Variants in TASP1 observed in about 807,000 individuals in gnomAD.
TASP1 encodes threonine aspartase 1.
In TASP1, 16 loss-of-function variants were observed where a neutral mutation model predicts 56.6. The ratio of observed to expected loss-of-function variants is 0.28; its 90% CI spans 0.19 to 0.43. The LOEUF is 0.43. TASP1 is among the 20% of genes least tolerant of loss of function. The probability of loss-of-function intolerance (pLI) is 1.00; values close to 1 mark genes in which losing one functional copy is unlikely to be tolerated. For synonymous variants in TASP1, 179 were observed against 184.2 expected (o/e 0.97, Z 0.23); for missense variants, 393 against 511.6 (o/e 0.77, Z 2.24).
chr20:13,531,347 AT>A (rs2045209693), intron 9 of TASP1, among the ~76,000 whole-genome samples: 1 of 152,094 alleles, frequency 6.6e-6, no homozygotes, highest in South Asian at 2.1e-4. Context: ...TCAACCGCCT[AT>A]TTGTGTGGGG....
intron 8 of TASP1, among the ~76,000 whole-genome samples, chr20:13,549,257 C>T (rs1000718935): frequency 3.3e-5 from 5 of 152,092 alleles, no homozygotes; most frequent in African/African-American, 1.2e-4. Context: ...TCTTGAATTT[C>T]AAATAGTTCC....
chr20:13,155,461 A>T, the TASP1 span, among the ~76,000 whole-genome samples: 1 of 152,180 alleles, frequency 6.6e-6, no homozygotes, highest in African/African-American at 2.4e-5. Context: ...CTGAGTTATA[A>T]GTTCCTAAAA....
the TASP1 span, among the ~76,000 whole-genome samples, chr20:13,349,583 C>T: frequency 6.6e-6 from 1 of 152,144 alleles, no homozygotes; most frequent in Non-Finnish European, 1.5e-5. Flanking sequence ...AGAGGACCAG[C>T]ATATCCAGTT....
the TASP1 span, among the ~76,000 whole-genome samples, chr20:13,150,036 C>A: frequency 1.3e-5 from 2 of 152,182 alleles, no homozygotes; most frequent in Non-Finnish European, 2.9e-5. Context: ...GTGCTGAATG[C>A]ACACGGGGAC....
the TASP1 span, among the ~76,000 whole-genome samples, chr20:13,224,147 T>C: frequency 1.3e-5 from 2 of 152,160 alleles, no homozygotes; most frequent in African/African-American, 2.4e-5. Context: ...CTTCAGCTTA[T>C]CTTGTAATAG....
intron 12 of TASP1, among the ~76,000 whole-genome samples, chr20:13,431,390 G>A (rs2042800346): frequency 6.6e-6 from 1 of 152,112 alleles, no homozygotes; most frequent in African/African-American, 2.4e-5. Flanking sequence ...TACAGGCAGA[G>A]GTTTATGACA....
intron 10 of TASP1, among the ~76,000 whole-genome samples, chr20:13,513,143 T>C (rs145933825): frequency 1.8e-4 from 28 of 152,314 alleles, no homozygotes; most frequent in Admixed American, 8.5e-4. Flanking sequence ...AGTTCCAGTT[T>C]ACCAATGAGG....
the TASP1 span, among the ~76,000 whole-genome samples, chr20:13,323,800 T>C: frequency 2.5e-3 from 385 of 152,332 alleles, 5 homozygotes; most frequent in Non-Finnish European, 1.0e-3. Flanking sequence ...AAATGAAGGC[T>C]TCTTTATGGA....
chr20:13,305,216 AAAAC>A, the TASP1 span, among the ~76,000 whole-genome samples: 1 of 146,246 alleles, frequency 6.8e-6, no homozygotes, highest in Non-Finnish European at 1.5e-5. Context: ...AAAAAAAAAA[AAAAC>A]CCTTAATTTT....
At chr20:13,334,484 AT>A in the TASP1 span, among the ~76,000 whole-genome samples, 1 of 152,242 alleles carries the variant, frequency 6.6e-6, no homozygotes, top group African/African-American at 2.4e-5. Context: ...TCTTAACGCT[AT>A]CAAGGTATAT....
intron 4 of TASP1, among the ~76,000 whole-genome samples, chr20:13,606,290 C>T (rs138294105): frequency 1.7e-4 from 26 of 152,276 alleles, no homozygotes; most frequent in Non-Finnish European, 2.9e-4. Context: ...AACATCTTCA[C>T]ATGGCTTTCT....
the TASP1 span, among the ~76,000 whole-genome samples, chr20:13,247,095 G>GT: frequency 2.6e-5 from 4 of 152,054 alleles, no homozygotes; most frequent in African/African-American, 9.7e-5. Flanking sequence ...GCCAGGTGTG[G>GT]TGGCACATGC....
At chr20:13,299,322 G>T in the TASP1 span, 2 of 1,613,784 alleles carry the variant, frequency 1.2e-6, no homozygotes, top group Non-Finnish European at 1.7e-6. This position sits in a 1 kb window ranked among gnomAD's most constrained non-coding sequence, Gnocchi z 5.8. Flanking sequence ...CAAGGTGGAC[G>T]TCCTGCCCTG....
chr20:13,604,564 T>C (rs1479986126), intron 4 of TASP1, among the ~76,000 whole-genome samples: 1 of 152,224 alleles, frequency 6.6e-6, no homozygotes, highest in East Asian at 1.9e-4. Context: ...CAGGTATTCC[T>C]TTATAGCAAT....
chr20:13,269,504 C>T, the TASP1 span, among the ~76,000 whole-genome samples: 271 of 152,252 alleles, frequency 1.8e-3, no homozygotes, highest in Non-Finnish European at 3.2e-3. Flanking sequence ...TATGGTTCTT[C>T]CCTCCTTCTC....
the TASP1 span, among the ~76,000 whole-genome samples, chr20:13,374,482 G>A: frequency 2.0e-5 from 3 of 151,930 alleles, no homozygotes; most frequent in African/African-American, 7.3e-5. Context: ...CCGAGTAACT[G>A]GGACTACAGG....
the TASP1 span, among the ~76,000 whole-genome samples, chr20:13,321,811 C>T: frequency 4.6e-5 from 7 of 152,118 alleles, no homozygotes; most frequent in South Asian, 4.1e-4. Flanking sequence ...TAGGGAATGT[C>T]GAAGTGTGTG....
At chr20:13,234,545 G>A in the TASP1 span, among the ~76,000 whole-genome samples, 1 of 152,142 alleles carries the variant, frequency 6.6e-6, no homozygotes, top group African/African-American at 2.4e-5. Flanking sequence ...TTTCTATAAA[G>A]GTTGTGCTTA....
the TASP1 span, among the ~76,000 whole-genome samples, chr20:13,178,243 A>G: frequency 6.6e-6 from 1 of 152,124 alleles, no homozygotes; most frequent in African/African-American, 2.4e-5. Flanking sequence ...TTATCAAAAA[A>G]ACAGAAAATA....
Sources: gnomAD v4.1 joint callset for allele counts (sites outside exome capture counted in the v4.1 genomes callset) on GRCh38, gnomAD v4.1.1 for gene constraint, Gnocchi (gnomAD v3.1) non-coding constraint, MANE v1.5 for transcripts, NCBI Gene and HGNC (gene_info 2026-07-23, HGNC 2026-07-21) for gene names.